PSG9: variants seen among roughly 807,000 people sequenced by gnomAD.
The protein encoded by PSG9 is pregnancy specific beta-1-glycoprotein 9.
In PSG9, 49 loss-of-function variants were observed where a neutral mutation model predicts 41.9. That is an observed-to-expected ratio of 1.17 (90% CI 0.93 to 1.48). PSG9 has a LOEUF of 1.48. Ranked by LOEUF, PSG9 falls within the 40% of genes most tolerant of loss-of-function variation. PSG9 has a pLI of 0.00. For missense variants in PSG9, 641 were observed against 520.3 expected (o/e 1.23, Z -2.26); for synonymous variants, 263 against 196.8 (o/e 1.34, Z -2.82).
chr19:43,262,564 A>G (rs1355719637), intron 2 of PSG9, among the ~76,000 whole-genome samples: 1 of 152,134 alleles, frequency 6.6e-6, no homozygotes, highest in African/African-American at 2.4e-5. Flanking sequence ...CTTGCCAAGG[A>G]CATCCTAGAG....
rs1332435078 is a variant in PSG9, at chr19:43,256,243, T to G, written c.1243+1959A>C. Among the ~76,000 whole-genome samples, 2 of 146,490 alleles carry G rather than the reference T, an allele frequency of 1.4e-5. 1 individual carries two copies. The highest frequency in any genetic ancestry group is 1.4e-4 in the Admixed American group (2 of 14,708). ...AAAGATCTAAATGTAAGAGAAAAAC[T>G]ACACAACTCTTAGAAGAAAAGCTTC... On this transcript the variant is annotated intron_variant, in intron 5 of 5. Transcript: ENST00000270077.
chr19:43,264,665 G>A (rs749096441), intron 2 of PSG9, among the ~76,000 whole-genome samples: 1 of 152,150 alleles, frequency 6.6e-6, no homozygotes, highest in Admixed American at 6.5e-5. Context: ...CACCCTGTTA[G>A]CCAGGATTGT....
intron 1 of PSG9, among the ~76,000 whole-genome samples, 178 bp downstream of exon 1, chr19:43,269,190 G>A (rs1006583676): frequency 2.6e-5 from 4 of 151,886 alleles, no homozygotes; most frequent in Admixed American, 6.6e-5. Flanking sequence ...ATTTTTAGGA[G>A]AGACTGGGCT....
rs2355449 is a variant in PSG9, at chr19:43,259,017, G to A, written c.828C>T (p.Asn276=). 695 of 1,590,646 alleles carry A rather than the reference G, an allele frequency of 4.4e-4. 42 individuals carry two copies. The highest frequency in any genetic ancestry group is 1.9e-3 in the Admixed American group (113 of 58,640). Residue 276 remains asparagine (N), a synonymous_variant, in exon 4 of 6, where the codon AAC becomes AAT. Transcript: ENST00000270077. ...SENYTYIWWL[N]GQSLPVSPGV... ...CGGGACTGACGGGGAGGCTCTGACC[G>A]TTTAGCCACCAAATGTAGGTGTAGT...
intron 5 of PSG9, chr19:43,257,630 T>C (rs1968493872): frequency 2.0e-6 from 2 of 1,006,378 alleles, no homozygotes; most frequent in Non-Finnish European, 2.4e-6. Context: ...TTTAGCCAAA[T>C]TCAGGACAGG....
Position 43,259,055 on chromosome 19 carries a change from G to A in PSG9, c.790C>T (p.Pro264Ser), listed in dbSNP as rs1455545437. The A allele has an allele frequency of 6.3e-7, 1 of 1,590,516 alleles. No individual in the cohort carries two copies. Among genetic ancestry groups the A allele is most frequent in the Non-Finnish European group, 8.5e-7 (1 of 1,174,396 alleles). ...NKDVLAFTCEPKSENYTYIWW... is the reference protein window; with the variant it reads ...NKDVLAFTCESKSENYTYIWW... ...ATGTAGGTGTAGTTCTCACTCTTAG[G>A]TTCACAGGTGAAGGCTAAGACATCC... is the stretch of plus-strand genomic sequence containing the variant. Residue 264 changes from proline (P) to serine (S), a missense_variant, in exon 4 of 6, where the codon CCT becomes TCT. Pro to Ser is a moderately conservative substitution (Grantham distance 74). Transcript: ENST00000270077.
rs767598797 is a variant in PSG9 at position 43,253,656 on chromosome 19, A to C, written c.1244-10T>G. 3 of 1,208,512 alleles carry C rather than the reference A, an allele frequency of 2.5e-6. No homozygotes were observed. The highest frequency in any genetic ancestry group is 3.6e-6 in the Non-Finnish European group (3 of 836,728). The allele number at this position is 1,208,512 out of a possible 1,614,324, so 74.9% of individuals were successfully genotyped here. On this transcript the variant is annotated splice_polypyrimidine_tract_variant and intron_variant, in intron 5 of 5. Transcript: ENST00000270077. ...TCTCCATGGCAGGGACCTGATTGACAGAAGGCCCAGGTCAGTGCATTTCAA... is the reference window on the plus strand; with the variant it reads ...TCTCCATGGCAGGGACCTGATTGACCGAAGGCCCAGGTCAGTGCATTTCAA...
At position 43,262,190 on chromosome 19, in the gene PSG9, C is replaced by T. The variant is rs751686273; in HGVS notation, c.431-52G>A. 1.5e-5 allele frequency: 23 copies of T among 1,576,318 alleles called. 2 individuals carry two copies. In the South Asian group the frequency reaches 2.6e-4, roughly 18 times the overall value. Reference sequence around the variant, plus strand: ...CCCTGTGTGGCACCTTTGATTCCTCCAAAGGCATTTTTCAGTCAGAGTTGG... The same window carrying T: ...CCCTGTGTGGCACCTTTGATTCCTCTAAAGGCATTTTTCAGTCAGAGTTGG... On this transcript the variant is annotated intron_variant, in intron 2 of 5. Transcript: ENST00000270077.
chr19:43,268,168 A>C lies in PSG9; in HGVS notation c.65-19T>G. ...AGTGATGCTAGGAGGGGGAGACAGCATCAGTTAATATTGAGACCTATGTAT... is the reference window on the plus strand; with the variant it reads ...AGTGATGCTAGGAGGGGGAGACAGCCTCAGTTAATATTGAGACCTATGTAT... On this transcript the variant is annotated intron_variant, in intron 1 of 5. Transcript: ENST00000270077. 6.3e-7 allele frequency: 1 copy of C among 1,579,112 alleles called. No individual in the cohort carries two copies.
At position 43,267,927 on chromosome 19, in the gene PSG9, C is replaced by G. The variant is rs761951471; in HGVS notation, c.287G>C (p.Ser96Thr). ...GTTGGAATATACTGTTTCTCTTCCA[C>G]TGTATGCAGGCCCATATATAATTAT... The part of the protein sequence containing the change: ...GKIIIYGPAY[S>T]GRETVYSNAS... Residue 96 changes from serine to threonine, a missense_variant, in exon 2 of 6, where the codon AGT becomes ACT. Physicochemically the swap from Ser to Thr is moderately conservative, Grantham distance 58. Coordinates refer to ENST00000270077, the MANE Select transcript of PSG9 (RefSeq NM_002784.5). The G allele has an allele frequency of 3.1e-6, 5 of 1,613,780 alleles. No homozygotes were observed. The highest frequency in any genetic ancestry group is 3.3e-5 in the Admixed American group (2 of 60,012).
At chr19:43,258,546 C>A in intron 4 of PSG9, 90 bp from the exon 5 acceptor site, 1 of 1,485,496 alleles carries the variant, frequency 6.7e-7, no homozygotes, top group Middle Eastern at 2.2e-4. Flanking sequence ...ACCCTCTGAG[C>A]CAAGACACAC....
At chr19:43,262,523 C>T (rs1045256455) in intron 2 of PSG9, among the ~76,000 whole-genome samples, 6 of 152,144 alleles carry the variant, frequency 3.9e-5, no homozygotes, top group African/African-American at 9.7e-5. Context: ...TCTTACTTTG[C>T]CCCCTGAGGT....
intron 2 of PSG9, among the ~76,000 whole-genome samples, chr19:43,263,657 T>C (rs1345734503): frequency 1.3e-5 from 2 of 152,014 alleles, no homozygotes; most frequent in African/African-American, 4.8e-5. Context: ...TTACTGATGG[T>C]CCAAACATCT....
intron 5 of PSG9, chr19:43,257,492 C>A (rs1413957820): frequency 1.0e-6 from 1 of 977,342 alleles, no homozygotes; most frequent in Non-Finnish European, 1.2e-6. Flanking sequence ...ACGTGCTGTG[C>A]CCAAAGCCTC....
At chr19:43,269,258 C>T (rs1351141320) in intron 1 of PSG9, 110 bp downstream of exon 1, 2 of 1,564,926 alleles carry the variant, frequency 1.3e-6, no homozygotes, top group Admixed American at 1.7e-5. Context: ...CCCACCTCAG[C>T]CTCCCTAAGA....
intron 5 of PSG9, among the ~76,000 whole-genome samples, chr19:43,256,465 T>C (rs1187707386): frequency 6.8e-6 from 1 of 146,614 alleles, no homozygotes; most frequent in Non-Finnish European, 1.5e-5. Flanking sequence ...ATTTCCAGAA[T>C]ACATGAAAAG....
chr19:43,269,308 G>T (rs1458753320), intron 1 of PSG9, 60 bp downstream of exon 1: 15 of 1,611,132 alleles, frequency 9.3e-6, no homozygotes, highest in East Asian at 4.5e-5. Flanking sequence ...CTCTCCAGGA[G>T]ACCCCATCCA....
rs1240937834 is a variant in PSG9, at chr19:43,269,387, C to A, written c.45G>T (p.Trp15Cys). The A allele has an allele frequency of 6.2e-6, 10 of 1,613,538 alleles. No homozygotes were observed. In the African/African-American group the frequency reaches 8.0e-5, roughly 13 times the overall value. The change falls in exon 1 of 6, where the codon TGG (tryptophan) becomes TGT (cysteine). Residue 15 changes from tryptophan (W) to cysteine (C), a missense_variant. Trp to Cys is a radical substitution (Grantham distance 215, BLOSUM62 -2). Coordinates refer to ENST00000270077, the MANE Select transcript of PSG9 (RefSeq NM_002784.5). ...PAPSCTQRIT[W>C]KGLLLTASLL... ...CCTCACCTGTGAGCAGGAGCCCCTT[C>A]CAGGTGATGCGCTGTGTGCAGGAAG...
chr19:43,258,134 A>T lies in PSG9; in HGVS notation c.1243+68T>A, dbSNP rs1408451526. The T allele has an allele frequency of 1.9e-6, 3 of 1,590,662 alleles. 1 individual carries two copies. In the African/African-American group the frequency reaches 4.3e-5, roughly 23 times the overall value. On this transcript the variant is annotated intron_variant, in intron 5 of 5. Coordinates refer to ENST00000270077, the MANE Select transcript of PSG9 (RefSeq NM_002784.5). ...GGCTGGGAATAAAAATGTTTTCCTG[A>T]CTCTTCTCTGAAAGCCAGATAGACT... is the stretch of plus-strand genomic sequence containing the variant.
Sources: allele counts gnomAD v4.1 joint callset (sites outside exome capture counted in the v4.1 genomes callset), GRCh38; gene constraint gnomAD v4.1.1; transcripts MANE v1.5; gene names NCBI Gene and HGNC (gene_info 2026-07-23, HGNC 2026-07-21).